The following PLCXD3 variants were observed in gnomAD, a reference collection of about 807,000 sequenced individuals.
The protein encoded by PLCXD3 is phosphatidylinositol specific phospholipase C X domain containing 3.
PLCXD3 carries 19 observed loss-of-function variants against 25.5 expected under a neutral mutation model. That is an observed-to-expected ratio of 0.75 (90% CI 0.52 to 1.09). The LOEUF (loss-of-function observed/expected upper bound fraction) is 1.09, where lower values mean the gene tolerates loss of function less well. Among genes scored for constraint, PLCXD3 ranks in the 50% least tolerant of loss-of-function variants. The pLI is 0.00. For missense variants in PLCXD3, 411 were observed against 388.1 expected (o/e 1.06, Z -0.50); for synonymous variants, 174 against 137.6 (o/e 1.26, Z -1.85).
In PLCXD3 at chr5:41,381,769, C is replaced by T. The variant is rs1745467261; in HGVS notation, c.812+57G>A. The T allele has an allele frequency of 2.0e-6, 3 of 1,482,096 alleles. No individual in the cohort carries two copies. In the Admixed American group the frequency reaches 6.2e-5, roughly 30 times the overall value. 91.8% of individuals were successfully genotyped at this position (1,482,096 alleles called of 1,614,324 possible). A position where few individuals can be genotyped will look rare whatever the true frequency, so the allele number is the denominator to read the frequency against. ...ATTTCAGCTTCATCACTTATGAGCT[C>T]TATAAATTCAAGTTAAATTATTTGA... On this transcript the variant is annotated intron_variant, in intron 2 of 2. Transcript: ENST00000377801.
intron 1 of PLCXD3, among the ~76,000 whole-genome samples, chr5:41,439,787 A>T (rs948931765): frequency 6.6e-6 from 1 of 152,224 alleles, no homozygotes; most frequent in African/African-American, 2.4e-5. Flanking sequence ...CTAATATCTA[A>T]AACATTCAAT....
chr5:41,368,533 C>A (rs893935013), intron 2 of PLCXD3, among the ~76,000 whole-genome samples: 5 of 152,166 alleles, frequency 3.3e-5, no homozygotes, highest in African/African-American at 1.2e-4. Context: ...TTATTTCTTT[C>A]TCTTGCCTGG....
chr5:41,350,326 C>G lies in PLCXD3; in HGVS notation c.812+31500G>C, dbSNP rs1329857376. Among the ~76,000 whole-genome samples, 3 of 152,274 alleles carry G rather than the reference C, an allele frequency of 2.0e-5. No individual in the cohort carries two copies. In the East Asian group the frequency reaches 5.8e-4, roughly 29 times the overall value. On this transcript the variant is annotated intron_variant, in intron 2 of 2. Coordinates refer to ENST00000377801, the MANE Select transcript of PLCXD3 (RefSeq NM_001005473.3). Reference sequence around the variant, plus strand: ...TTGCTACAGTTCCCACTACCTGACCCCATGTCTACTATACTCTTCATCTTC... The same window carrying G: ...TTGCTACAGTTCCCACTACCTGACCGCATGTCTACTATACTCTTCATCTTC...
chr5:41,439,243 T>C (rs968359792), intron 1 of PLCXD3, among the ~76,000 whole-genome samples: 6 of 152,212 alleles, frequency 3.9e-5, no homozygotes, highest in Non-Finnish European at 5.9e-5. Context: ...CTGAGAGAGA[T>C]TATTTTCATT....
intron 1 of PLCXD3, among the ~76,000 whole-genome samples, chr5:41,456,826 C>T (rs1293371157): frequency 6.6e-6 from 1 of 151,884 alleles, no homozygotes; most frequent in African/African-American, 2.4e-5. Context: ...CCAAATCTGC[C>T]AGCACCTTGA....
At chr5:41,363,688 G>T (rs1744852408) in intron 2 of PLCXD3, among the ~76,000 whole-genome samples, 2 of 152,132 alleles carry the variant, frequency 1.3e-5, no homozygotes, top group African/African-American at 4.8e-5. Flanking sequence ...CATTAGCTTT[G>T]CTCACTTACC....
chr5:41,386,171 G>T (rs147332360), intron 1 of PLCXD3, among the ~76,000 whole-genome samples: 2 of 152,204 alleles, frequency 1.3e-5, no homozygotes, highest in East Asian at 3.9e-4. Flanking sequence ...TCAAAGAAGA[G>T]AAATTAACTA....
chr5:41,352,050 T>G (rs2150481301), intron 2 of PLCXD3, among the ~76,000 whole-genome samples: 1 of 152,340 alleles, frequency 6.6e-6, no homozygotes, highest in Non-Finnish European at 1.5e-5. Context: ...TAGTATTAAC[T>G]TATGCAAGCT....
At chr5:41,363,402 G>A (rs1314660570) in intron 2 of PLCXD3, among the ~76,000 whole-genome samples, 1 of 152,014 alleles carries the variant, frequency 6.6e-6, no homozygotes, top group African/African-American at 2.4e-5. Context: ...CTTTCTCCAA[G>A]AATTCAGGAT....
chr5:41,327,017 T>A (rs1743648805), intron 2 of PLCXD3, among the ~76,000 whole-genome samples: 1 of 152,128 alleles, frequency 6.6e-6, no homozygotes, highest in East Asian at 1.9e-4. Context: ...GTAGATAAAA[T>A]CATTCATTTT....
At chr5:41,473,133 G>C (rs1461755103) in intron 1 of PLCXD3, among the ~76,000 whole-genome samples, 1 of 152,012 alleles carries the variant, frequency 6.6e-6, no homozygotes, top group African/African-American at 2.4e-5. Flanking sequence ...TGGTTAGGGA[G>C]ACCTTGCCTG....
At chr5:41,488,209 G>A (rs1001326717) in intron 1 of PLCXD3, among the ~76,000 whole-genome samples, 2 of 150,356 alleles carry the variant, frequency 1.3e-5, no homozygotes, top group African/African-American at 4.9e-5. Flanking sequence ...ATAGTTTACT[G>A]AGAATGATGA....
Position 41,468,084 on chromosome 5 carries a change from C to T in PLCXD3, c.103+42340G>A, listed in dbSNP as rs1010794547. On this transcript the variant is annotated intron_variant, in intron 1 of 2. Transcript: ENST00000377801. ...CCAGGCTGGAGTGCAATTGCATGAT[C>T]TTGGTTCACTACAACCTCTGCCTCC... Among the ~76,000 whole-genome samples the T allele has an allele frequency of 2.6e-5, 3 of 114,752 alleles. No homozygotes were observed. The South Asian group carries it at 8.9e-4, about 34-fold the overall frequency. 75.3% of individuals were successfully genotyped at this position (114,752 alleles called of 152,430 possible).
At chr5:41,410,784 T>C (rs1433205907) in intron 1 of PLCXD3, among the ~76,000 whole-genome samples, 1 of 152,130 alleles carries the variant, frequency 6.6e-6, no homozygotes, top group Non-Finnish European at 1.5e-5. Context: ...ACGTGCAGCA[T>C]AAGAAAAGAA....
intron 2 of PLCXD3, among the ~76,000 whole-genome samples, chr5:41,319,479 A>G (rs73075971): frequency 0.036 from 5,528 of 152,272 alleles, 342 homozygotes; most frequent in African/African-American, 0.13. Flanking sequence ...CTACAACTAC[A>G]TGGAAATTAA....
chr5:41,476,967 A>G (rs1419613909), intron 1 of PLCXD3, among the ~76,000 whole-genome samples: 2 of 152,182 alleles, frequency 1.3e-5, no homozygotes, highest in African/African-American at 4.8e-5. Flanking sequence ...TGTAGTTTCC[A>G]TAGATAGTCA....
intron 2 of PLCXD3, among the ~76,000 whole-genome samples, chr5:41,378,632 C>G (rs1745365385): frequency 6.6e-6 from 1 of 152,036 alleles, no homozygotes; most frequent in Non-Finnish European, 1.5e-5. Context: ...TAAGTGTTAT[C>G]TGAACAAAAT....
intron 1 of PLCXD3, among the ~76,000 whole-genome samples, chr5:41,436,107 T>A (rs553487210): frequency 1.2e-4 from 19 of 152,264 alleles, no homozygotes; most frequent in South Asian, 1.2e-3. Context: ...TGAGATATAC[T>A]GGCCACCCAC....
intron 1 of PLCXD3, among the ~76,000 whole-genome samples, chr5:41,471,808 C>CCCT (rs1561283143): frequency 2.0e-4 from 6 of 30,734 alleles, no homozygotes; most frequent in African/African-American, 4.6e-4. Flanking sequence ...TTCCCTTCCC[C>CCCT]TCCCCTCCCG....
Sources: gnomAD v4.1 joint callset for allele counts (sites outside exome capture counted in the v4.1 genomes callset) on GRCh38, gnomAD v4.1.1 for gene constraint, MANE v1.5 for transcripts, NCBI Gene and HGNC (gene_info 2026-07-23, HGNC 2026-07-21) for gene names.